SCN11A: variants seen among roughly 807,000 people sequenced by gnomAD.
SCN11A encodes the protein sodium voltage-gated channel alpha subunit 11.
A neutral mutation model predicts 162.2 loss-of-function variants in SCN11A; 122 were observed. The ratio of observed to expected loss-of-function variants is 0.75; its 90% CI spans 0.65 to 0.87. The LOEUF (loss-of-function observed/expected upper bound fraction) is 0.87, where lower values mean the gene tolerates loss of function less well. Among genes scored for constraint, SCN11A ranks in the 40% least tolerant of loss-of-function variants. The pLI is 0.00. For synonymous variants in SCN11A, 758 were observed against 751.5 expected (o/e 1.01, Z -0.14); for missense variants, 2,015 against 2,181.6 (o/e 0.92, Z 1.52).
intron 11 of SCN11A, among the ~76,000 whole-genome samples, chr3:38,917,433 G>T (rs1206239205): frequency 6.6e-6 from 1 of 152,236 alleles, no homozygotes; most frequent in Non-Finnish European, 1.5e-5. Context: ...AACAATGACA[G>T]ACTGGATAAA....
chr3:38,889,802 AAAAATAAAATAAAAT>A (rs372120454), intron 19 of SCN11A, among the ~76,000 whole-genome samples: 16,089 of 130,744 alleles, frequency 0.12, 1,147 homozygotes, highest in African/African-American at 0.14. Flanking sequence ...TCCATCTCAA[AAAAATAAAATAAAAT>A]AAAATAAAAT....
intron 14 of SCN11A, among the ~76,000 whole-genome samples, chr3:38,906,488 C>G (rs2065793850): frequency 6.6e-6 from 1 of 152,114 alleles, no homozygotes; most frequent in Non-Finnish European, 1.5e-5. Flanking sequence ...CCTTTCCTGT[C>G]TCCATAAATT....
chr3:38,938,509 CATATATATATAT>C (rs1166609754), intron 7 of SCN11A, among the ~76,000 whole-genome samples: 768 of 35,468 alleles, frequency 0.022, 18 homozygotes, highest in African/African-American at 0.032. Context: ...GGAAAAATAT[CATATATATATAT>C]ATATATATAT....
chr3:38,963,395 T>TATATATATATATATATATATGATGGAG (rs2066757761), intron 2 of SCN11A, among the ~76,000 whole-genome samples: 3 of 54,544 alleles, frequency 5.5e-5, no homozygotes, highest in Admixed American at 2.1e-4. Flanking sequence ...ATGATGGAGA[T>TATATATATATATATATATATGATGGAG]ATATATATAT....
At chr3:38,979,822 G>A (rs2029951384) in intron 2 of SCN11A, among the ~76,000 whole-genome samples, 1 of 152,118 alleles carries the variant, frequency 6.6e-6, no homozygotes, top group African/African-American at 2.4e-5. Context: ...ATATGGGCAG[G>A]TTGCCTCTTA....
rs576080209 is a variant in SCN11A at position 38,880,491 on chromosome 3, A to G, written c.3220-368T>C. Among the ~76,000 whole-genome samples, 20 of 152,234 alleles carry G rather than the reference A, an allele frequency of 1.3e-4. No individual in the cohort carries two copies. The South Asian group carries it at 3.3e-3, about 25-fold the overall frequency. On this transcript the variant is annotated intron_variant, in intron 22 of 29. Coordinates refer to ENST00000302328, the MANE Select transcript of SCN11A (RefSeq NM_001349253.2). ...TTCCCAGGACCACCCAGTGGCATAG[A>G]CCATCTCTCATCCTCCCAATTGCCT...
chr3:38,986,495 G>C (rs768588438), intron 2 of SCN11A, among the ~76,000 whole-genome samples: 1 of 152,156 alleles, frequency 6.6e-6, no homozygotes, highest in Non-Finnish European at 1.5e-5. Flanking sequence ...CTTTATGAAC[G>C]GTGATGCAGT....
At chr3:38,854,765 C>T (rs571354465) in intron 28 of SCN11A, among the ~76,000 whole-genome samples, 32 of 152,184 alleles carry the variant, frequency 2.1e-4, no homozygotes, top group Non-Finnish European at 4.4e-4. Flanking sequence ...GTAACCTTAC[C>T]TAGAGCTGAA....
chr3:38,879,559 T>C (rs942697745), intron 23 of SCN11A, among the ~76,000 whole-genome samples: 1 of 152,174 alleles, frequency 6.6e-6, no homozygotes, highest in Non-Finnish European at 1.5e-5. Context: ...AGATGGATAT[T>C]AGCCTAGTCT....
At chr3:39,030,276 T>C (rs1462606029) in intron 2 of SCN11A, among the ~76,000 whole-genome samples, 2 of 152,170 alleles carry the variant, frequency 1.3e-5, no homozygotes, top group Admixed American at 1.3e-4. Flanking sequence ...AACATCTAGG[T>C]TGGTGACAGA....
In SCN11A at chr3:38,910,197, T is replaced by C. The variant is rs1006611330; in HGVS notation, c.970A>G (p.Ile324Val). 4.2e-5 allele frequency: 67 copies of C among 1,612,766 alleles called. No homozygotes were observed. The highest frequency in any genetic ancestry group is 5.6e-5 in the Non-Finnish European group (66 of 1,179,254). The change falls in exon 12 of 30, where the codon ATA becomes GTA. Residue 324 changes from isoleucine to valine, a missense_variant. Physicochemically the swap from Ile to Val is conservative, Grantham distance 29. Transcript: ENST00000302328. ...TTGGTGTGCTTACATTCATATTGTATGGAACAGGCACTAGATATTGGAAAC... is the reference window on the plus strand; with the variant it reads ...TTGGTGTGCTTACATTCATATTGTACGGAACAGGCACTAGATATTGGAAAC... Reference protein sequence around the residue: ...GIWMGNSACSIQYECKHTKIN... With the variant: ...GIWMGNSACSVQYECKHTKIN...
chr3:38,982,076 G>T (rs1238225160), intron 2 of SCN11A, among the ~76,000 whole-genome samples: 3 of 152,080 alleles, frequency 2.0e-5, no homozygotes, highest in Non-Finnish European at 4.4e-5. Flanking sequence ...AAACCACAAG[G>T]GACAAGTGTG....
At chr3:38,936,817 A>G (rs2066340157) in intron 7 of SCN11A, among the ~76,000 whole-genome samples, 2 of 152,232 alleles carry the variant, frequency 1.3e-5, no homozygotes, top group South Asian at 2.1e-4. Context: ...TATAGATTCA[A>G]TGCCATCCCC....
At chr3:38,878,344 T>C (rs1464604655) in intron 23 of SCN11A, among the ~76,000 whole-genome samples, 2 of 151,936 alleles carry the variant, frequency 1.3e-5, no homozygotes, top group African/African-American at 2.4e-5. Flanking sequence ...ATAGTCCACA[T>C]CCTCATTTTT....
chr3:39,049,218 G>A (rs2032259613), intron 1 of SCN11A, among the ~76,000 whole-genome samples: 1 of 152,244 alleles, frequency 6.6e-6, no homozygotes, highest in South Asian at 2.1e-4. Context: ...TTATCTCCCA[G>A]AAGGCACCAT....
At chr3:38,996,821 TC>T (rs1483121673) in intron 2 of SCN11A, among the ~76,000 whole-genome samples, 1 of 152,156 alleles carries the variant, frequency 6.6e-6, no homozygotes, top group African/African-American at 2.4e-5. Flanking sequence ...ATGCCTGTAG[TC>T]CTGGCTACCA....
intron 29 of SCN11A, chr3:38,849,257 C>CCTTTT (rs1389887858): frequency 4.3e-5 from 3 of 69,866 alleles, no homozygotes; most frequent in African/African-American, 1.9e-4. Context: ...TTTTCTAGCC[C>CCTTTT]TTTTTTTTTT....
chr3:38,925,568 A>T, intron 8 of SCN11A, 59 bp from the exon 9 acceptor site: 1 of 1,201,076 alleles, frequency 8.3e-7, no homozygotes, highest in Non-Finnish European at 1.2e-6. Flanking sequence ...TGCACTGCAC[A>T]TCTCCACAAA....
At chr3:39,018,365 ACT>A (rs145646801) in intron 2 of SCN11A, among the ~76,000 whole-genome samples, 4,377 of 151,852 alleles carry the variant, frequency 0.029, 210 homozygotes, top group African/African-American at 0.1. Flanking sequence ...TCTCCTTCAG[ACT>A]CTCAGCTACT....
Sources: allele counts gnomAD v4.1 joint callset (sites outside exome capture counted in the v4.1 genomes callset), GRCh38; gene constraint gnomAD v4.1.1; transcripts MANE v1.5; gene names NCBI Gene and HGNC (gene_info 2026-07-23, HGNC 2026-07-21).